PDK4: variants seen among roughly 807,000 people sequenced by gnomAD.
The protein encoded by PDK4 is pyruvate dehydrogenase kinase 4, also known as pyruvate dehydrogenase kinase, isozyme 4.
In PDK4, 43 loss-of-function variants were observed where a neutral mutation model predicts 51.7. The ratio of observed to expected loss-of-function variants is 0.83; its 90% confidence interval spans 0.65 to 1.07. The LOEUF (loss-of-function observed/expected upper bound fraction) is 1.07, where lower values mean the gene tolerates loss of function less well. PDK4 is among the 50% of genes least tolerant of loss of function. PDK4 has a pLI of 0.00. For missense variants in PDK4, 498 were observed against 503.5 expected, an observed-to-expected ratio of 0.99 and a Z score of 0.10; for synonymous variants, 170 against 176.6, an observed-to-expected ratio of 0.96 and a Z score of 0.30.
intron 7 of PDK4, among the ~76,000 whole-genome samples, chr7:95,589,433 C>T (rs57517040): frequency 0.013 from 2,006 of 152,292 alleles, 49 homozygotes; most frequent in African/African-American, 0.045. Flanking sequence ...TTGTATGATG[C>T]ATTCTCAAAT....
In PDK4 at chr7:95,585,629, G is replaced by T. The variant is rs1300451401; in HGVS notation, c.*12C>A. The T allele has an allele frequency of 1.2e-6, 2 of 1,602,550 alleles. No individual in the cohort carries two copies. Among genetic ancestry groups the T allele is most frequent in the Admixed American group, 1.7e-5 (1 of 59,836 alleles). Reference sequence around the variant, plus strand: ...CCACTTTGATCCCGTAAAGTGTCCTGAGTGTCCCTCTTCACATGGCCACTT... The same window carrying T: ...CCACTTTGATCCCGTAAAGTGTCCTTAGTGTCCCTCTTCACATGGCCACTT... On this transcript the variant is annotated 3_prime_UTR_variant, in exon 11 of 11. Coordinates refer to ENST00000005178, the MANE Select transcript of PDK4 (RefSeq NM_002612.4).
chr7:95,592,659 C>A, intron 4 of PDK4, 62 bp from the exon 5 acceptor site: 1 of 1,388,272 alleles, frequency 7.2e-7, no homozygotes, highest in South Asian at 1.2e-5. Flanking sequence ...TTAGTACTAT[C>A]ACTGAGAATG....
At chr7:95,594,296 G>C (rs979317698) in intron 2 of PDK4, among the ~76,000 whole-genome samples, 6 of 152,114 alleles carry the variant, frequency 3.9e-5, no homozygotes, top group Admixed American at 3.9e-4. Flanking sequence ...TGCATATCCT[G>C]CTTCTGTGAC....
At chr7:95,586,444 C>G (rs188347996) in intron 10 of PDK4, among the ~76,000 whole-genome samples, 2 of 152,068 alleles carry the variant, frequency 1.3e-5, no homozygotes, top group Non-Finnish European at 2.9e-5. Context: ...CCACCTGCCT[C>G]GGCCTCCCAA....
chr7:95,595,221 T>C (rs556118892), intron 1 of PDK4, 57 bp from the exon 2 acceptor site: 2 of 1,119,518 alleles, frequency 1.8e-6, no homozygotes, highest in South Asian at 2.7e-5. Flanking sequence ...ATGATATATC[T>C]AAATAGCATT....
intron 7 of PDK4, among the ~76,000 whole-genome samples, 159 bp from the exon 8 acceptor site, chr7:95,587,984 A>G (rs1000481111): frequency 5.3e-5 from 8 of 152,144 alleles, no homozygotes; most frequent in Non-Finnish European, 8.8e-5. Context: ...GCCATTTATG[A>G]ATGGGTCATG....
chr7:95,592,152 A>T, intron 5 of PDK4, 87 bp from the exon 6 acceptor site: 1 of 631,892 alleles, frequency 1.6e-6, no homozygotes, highest in Non-Finnish European at 2.7e-6. Context: ...GTATTACCCT[A>T]ATCTAAAATA....
rs969260134 is a variant in PDK4 at position 95,585,028 on chromosome 7, C to G, written c.*613G>C. The G allele has an allele frequency of 6.6e-6, 1 of 152,322 alleles. No individual in the cohort carries two copies. The highest frequency in any genetic ancestry group is 1.5e-5 in the Non-Finnish European group (1 of 68,026). 9.4% of individuals were successfully genotyped at this position (152,322 alleles called of 1,614,324 possible). On this transcript the variant is annotated 3_prime_UTR_variant, in exon 11 of 11. Transcript: ENST00000005178. Reference sequence around the variant, plus strand: ...GTTTTTACATAAGTTGATGCCTTCACTGCAACTTTGAATACAATGCTTTGA... The same window carrying G: ...GTTTTTACATAAGTTGATGCCTTCAGTGCAACTTTGAATACAATGCTTTGA...
chr7:95,589,781 C>T, intron 6 of PDK4, 65 bp from the exon 7 acceptor site: 1 of 890,118 alleles, frequency 1.1e-6, no homozygotes, highest in South Asian at 1.4e-5. Context: ...CCACCACATT[C>T]ATGTGATTAA....
At chr7:95,589,574 G>A (rs1562837316) in intron 7 of PDK4, 66 bp downstream of exon 7, 1 of 781,836 alleles carries the variant, frequency 1.3e-6, no homozygotes. Flanking sequence ...AATAATAAAG[G>A]AGATAAAAAT....
intron 1 of PDK4, among the ~76,000 whole-genome samples, chr7:95,595,732 C>G (rs769233557): frequency 6.6e-6 from 1 of 152,176 alleles, no homozygotes; most frequent in Non-Finnish European, 1.5e-5. Context: ...GAGAGATGTA[C>G]CCTGTGGAAG....
intron 6 of PDK4, 81 bp downstream of exon 6, chr7:95,591,907 G>T: frequency 2.7e-6 from 2 of 739,082 alleles, no homozygotes; most frequent in Non-Finnish European, 4.5e-6. Context: ...CACAGAAGTT[G>T]CTTTATATTT....
rs1283162931 is a variant in PDK4, at chr7:95,583,551, C to T, written c.*2090G>A. On this transcript the variant is annotated 3_prime_UTR_variant, in exon 11 of 11. Transcript: ENST00000005178. The stretch of plus-strand genomic sequence containing the variant: ...TAAAAAATTATCACATTTCTCTGTA[C>T]ATAGCATAAAGACAAAAACACAATG... 1 of 152,090 alleles carries T rather than the reference C, an allele frequency of 6.6e-6. No individual in the cohort carries two copies. The highest frequency in any genetic ancestry group is 6.5e-5 in the Admixed American group (1 of 15,268). The allele number at this position is 152,090 out of a possible 1,614,324, so 9.4% of individuals were successfully genotyped here.
intron 6 of PDK4, 136 bp downstream of exon 6, chr7:95,591,852 C>G (rs1375984061): frequency 3.6e-6 from 2 of 553,772 alleles, no homozygotes; most frequent in Non-Finnish European, 6.4e-6. Flanking sequence ...AGAACCTTGT[C>G]TTCAAAAAAA....
In PDK4 at chr7:95,585,614, C is replaced by G; in HGVS notation, c.*27G>C. ...AGCACTGGTGTAGACCCACTTTGAT[C>G]CCGTAAAGTGTCCTGAGTGTCCCTC... On this transcript the variant is annotated 3_prime_UTR_variant, in exon 11 of 11. Coordinates refer to ENST00000005178, the MANE Select transcript of PDK4 (RefSeq NM_002612.4). 1 of 1,578,222 alleles carries G rather than the reference C, an allele frequency of 6.3e-7. No homozygotes were observed. The highest frequency in any genetic ancestry group is 8.7e-7 in the Non-Finnish European group (1 of 1,155,528).
At chr7:95,590,554 A>T (rs1791540233) in intron 6 of PDK4, among the ~76,000 whole-genome samples, 1 of 152,206 alleles carries the variant, frequency 6.6e-6, no homozygotes, top group Non-Finnish European at 1.5e-5. Flanking sequence ...TATTTTGTCC[A>T]ACAGTTGGAG....
chr7:95,594,734 C>T (rs1378037549), intron 2 of PDK4: 1 of 199,114 alleles, frequency 5.0e-6, no homozygotes, highest in African/African-American at 2.3e-5. Flanking sequence ...TGAAAGTGCT[C>T]TTCTATAATT....
chr7:95,591,855 C>A (rs1791556241), intron 6 of PDK4, 133 bp downstream of exon 6: 1 of 553,016 alleles, frequency 1.8e-6, no homozygotes, highest in African/African-American at 2.0e-5. Context: ...ACCTTGTCTT[C>A]AAAAAAAATG....
rs995583675 is a variant in PDK4, at chr7:95,583,505, C to A, written c.*2136G>T. On this transcript the variant is annotated 3_prime_UTR_variant, in exon 11 of 11. Transcript: ENST00000005178. The stretch of plus-strand genomic sequence containing the variant: ...AACTTTAAAACACAATGTCTTTTAT[C>A]ATCATAAAAAATATTTATTATAAAA... 2 of 152,086 alleles carry A rather than the reference C, an allele frequency of 1.3e-5. No individual in the cohort carries two copies. Among genetic ancestry groups the A allele is most frequent in the Non-Finnish European group, 2.9e-5 (2 of 68,024 alleles). 9.4% of individuals were successfully genotyped at this position (152,086 alleles called of 1,614,324 possible). A position where few individuals can be genotyped will look rare whatever the true frequency, so the allele number is the denominator to read the frequency against.
Sources: allele counts gnomAD v4.1 joint callset (sites outside exome capture counted in the v4.1 genomes callset), GRCh38; gene constraint gnomAD v4.1.1; transcripts MANE v1.5; gene names NCBI Gene and HGNC (gene_info 2026-07-23, HGNC 2026-07-21).